Variants in GOLGA1 observed in about 807,000 individuals in gnomAD.
GOLGA1 encodes the protein golgin A1.
GOLGA1 carries 63 observed loss-of-function variants against 119.7 expected under a neutral mutation model. The ratio of observed to expected loss-of-function variants is 0.53; its 90% CI spans 0.43 to 0.65. The LOEUF is 0.65. GOLGA1 is among the 30% of genes least tolerant of loss of function. The probability of loss-of-function intolerance (pLI) is 0.00; values close to 1 mark genes in which losing one functional copy is unlikely to be tolerated. For synonymous variants in GOLGA1, 318 were observed against 333.4 expected (o/e 0.95, Z 0.50); for missense variants, 798 against 912.8 (o/e 0.87, Z 1.62).
chr9:124,943,309 G>A (rs888271706), upstream of GOLGA1: 11 of 152,128 alleles, frequency 7.2e-5, no homozygotes, highest in East Asian at 1.2e-3. Flanking sequence ...TTTTGCTAAC[G>A]GGGCTGAGTT....
chr9:124,893,351 G>T (rs1184022282), intron 15 of GOLGA1, among the ~76,000 whole-genome samples: 2 of 152,032 alleles, frequency 1.3e-5, no homozygotes, highest in Admixed American at 1.3e-4. Flanking sequence ...TCCACATCTT[G>T]CTGAAATTTT....
chr9:124,929,076 T>C (rs1830724012), intron 5 of GOLGA1, 140 bp downstream of exon 5: 1 of 645,964 alleles, frequency 1.5e-6, no homozygotes, highest in South Asian at 1.9e-5. Flanking sequence ...CCAAATGTTA[T>C]ATCAACCTGA....
At chr9:124,945,729 A>G (rs1831135722), upstream of GOLGA1, 1 of 152,216 alleles carries the variant, frequency 6.6e-6, no homozygotes, top group Non-Finnish European at 1.5e-5. Flanking sequence ...TCAATAGGTG[A>G]TTGATTCCAT....
At chr9:124,930,460 A>G (rs1830752066) in intron 4 of GOLGA1, among the ~76,000 whole-genome samples, 1 of 152,220 alleles carries the variant, frequency 6.6e-6, no homozygotes, top group East Asian at 1.9e-4. Context: ...TCTAGTGAGG[A>G]CAAAATAATT....
In GOLGA1 at chr9:124,890,429, A is replaced by G; in HGVS notation, c.1457T>C (p.Leu486Pro). The part of the protein sequence containing the change: ...EIVSVAMAQA[L>P]EEVRKQREEF... The stretch of plus-strand genomic sequence containing the variant: ...TTCCCTTTGCTTCCGCACCTCCTCC[A>G]GGGCTTGAGCCATGGCCACGCTCAC... Residue 486 changes from leucine (L) to proline (P), a missense_variant, in exon 16 of 23, where the codon CTG becomes CCG. Coordinates refer to ENST00000373555, the MANE Select transcript of GOLGA1 (RefSeq NM_002077.4). The G allele has an allele frequency of 6.2e-7, 1 of 1,613,890 alleles. No individual in the cohort carries two copies. Among genetic ancestry groups the G allele is most frequent in the Non-Finnish European group, 8.5e-7 (1 of 1,179,776 alleles).
intron 3 of GOLGA1, among the ~76,000 whole-genome samples, chr9:124,935,533 C>G (rs1276346667): frequency 2.0e-5 from 3 of 151,956 alleles, no homozygotes; most frequent in African/African-American, 4.8e-5. Context: ...GAAATGAAAG[C>G]TGCCTGTAAT....
At chr9:124,947,468 A>G (rs1197948561) in intron 1 of GOLGA1, 1 of 151,924 alleles carries the variant, frequency 6.6e-6, no homozygotes, top group Non-Finnish European at 1.5e-5. Flanking sequence ...TCCAAACACA[A>G]GCCTCTCAAA....
intron 3 of GOLGA1, among the ~76,000 whole-genome samples, chr9:124,935,294 T>C (rs1157083666): frequency 6.6e-6 from 1 of 152,362 alleles, no homozygotes; most frequent in Admixed American, 6.5e-5. Flanking sequence ...ATACGTTTTA[T>C]ACACATAGCC....
chr9:124,934,944 G>C (rs1341840237), intron 3 of GOLGA1, among the ~76,000 whole-genome samples: 4 of 152,178 alleles, frequency 2.6e-5, no homozygotes, highest in Non-Finnish European at 4.4e-5. Context: ...CTACTCACGA[G>C]GCTGAAATGG....
chr9:124,943,848 C>G (rs143144433), upstream of GOLGA1: 150 of 152,240 alleles, frequency 9.9e-4, no homozygotes, highest in African/African-American at 3.5e-3. Flanking sequence ...ATAAAGTGTC[C>G]TGAAATTACA....
intron 12 of GOLGA1, among the ~76,000 whole-genome samples, chr9:124,906,873 CAG>C (rs1239420828): frequency 6.6e-6 from 1 of 151,900 alleles, no homozygotes; most frequent in Non-Finnish European, 1.5e-5. Flanking sequence ...ATAAAACACA[CAG>C]AAAATAATCT....
intron 9 of GOLGA1, 128 bp downstream of exon 9, chr9:124,921,595 G>A (rs752035470): frequency 1.3e-6 from 1 of 760,300 alleles, no homozygotes; most frequent in Non-Finnish European, 2.2e-6. Flanking sequence ...AGGTAAGGAT[G>A]TGTCCAGAAG....
chr9:124,897,375 C>G (rs973551419), intron 15 of GOLGA1, among the ~76,000 whole-genome samples: 10 of 152,180 alleles, frequency 6.6e-5, no homozygotes, highest in South Asian at 2.1e-4. Flanking sequence ...GACGGAGTCT[C>G]ACTCTGTCAC....
intron 10 of GOLGA1, among the ~76,000 whole-genome samples, chr9:124,918,584 T>C (rs915517380): frequency 6.6e-6 from 1 of 151,630 alleles, no homozygotes; most frequent in Non-Finnish European, 1.5e-5. Flanking sequence ...GCCAACATGG[T>C]GAAATCCTGT....
At chr9:124,928,452 TGGCCTTGGTAATA>T (rs1204969009) in intron 5 of GOLGA1, among the ~76,000 whole-genome samples, 167 bp from the exon 6 acceptor site, 1 of 152,254 alleles carries the variant, frequency 6.6e-6, no homozygotes, top group Non-Finnish European at 1.5e-5. Context: ...AAGAATATTT[TGGCCTTGGTAATA>T]GACCACAGTT....
chr9:124,899,158 T>C (rs1830044126), intron 14 of GOLGA1, among the ~76,000 whole-genome samples, 171 bp downstream of exon 14: 1 of 152,184 alleles, frequency 6.6e-6, no homozygotes, highest in Non-Finnish European at 1.5e-5. Flanking sequence ...ATCATGCCAC[T>C]GTGCTCCAGC....
chr9:124,896,024 C>T (rs970401905), intron 15 of GOLGA1, among the ~76,000 whole-genome samples: 14 of 152,244 alleles, frequency 9.2e-5, no homozygotes, highest in Admixed American at 5.2e-4. Context: ...CGGCCTCAAA[C>T]GTCAATAGCG....
intron 3 of GOLGA1, among the ~76,000 whole-genome samples, chr9:124,935,494 G>A (rs1216798956): frequency 1.3e-5 from 2 of 152,136 alleles, no homozygotes; most frequent in Non-Finnish European, 2.9e-5. Context: ...CTAGAAGATG[G>A]AGTAGGGAGG....
At chr9:124,941,325 A>G (rs1055476620), upstream of GOLGA1, among the ~76,000 whole-genome samples, 3 of 152,302 alleles carry the variant, frequency 2.0e-5, no homozygotes, top group Admixed American at 1.3e-4. Context: ...GTCTTTTTCT[A>G]TTTTAACAGG....
Sources: gnomAD v4.1 joint callset for allele counts (sites outside exome capture counted in the v4.1 genomes callset) on GRCh38, gnomAD v4.1.1 for gene constraint, MANE v1.5 for transcripts, NCBI Gene and HGNC (gene_info 2026-07-23, HGNC 2026-07-21) for gene names.